Variants in NEK11 observed in about 807,000 individuals in gnomAD.
NEK11 encodes the protein serine/threonine-protein kinase Nek11.
NEK11 carries 72 observed loss-of-function variants against 80.7 expected under a neutral mutation model. That is an observed-to-expected ratio of 0.89 (90% CI 0.74 to 1.08). The LOEUF (loss-of-function observed/expected upper bound fraction) is 1.08. NEK11 is among the 50% of genes least tolerant of loss of function. The pLI, the probability that NEK11 is intolerant of heterozygous loss-of-function variation, is 0.00. For synonymous variants in NEK11, 251 were observed against 260.7 expected (o/e 0.96, Z 0.36); for missense variants, 764 against 763.6 (o/e 1.00, Z -0.01).
chr3:131,274,047 C>G (rs192927887), intron 17 of NEK11, among the ~76,000 whole-genome samples: 45 of 150,664 alleles, frequency 3.0e-4, no homozygotes, highest in Middle Eastern at 3.4e-3. Context: ...CATGCTGGTG[C>G]GCTGCACCCA....
chr3:131,245,301 T>TTGTGTGTGTGTGTGTGTGTGTGTG (rs4044352), intron 16 of NEK11, among the ~76,000 whole-genome samples: 156 of 140,786 alleles, frequency 1.1e-3, no homozygotes, highest in African/African-American at 4.3e-3. Flanking sequence ...TAGTATTCCA[T>TTGTGTGTGTGTGTGTGTGTGTGTG]TGTGTGTGTG....
At position 131,278,898 on chromosome 3, in the gene NEK11, G is replaced by A. The variant is rs142012440; in HGVS notation, c.1718+5324G>A. On this transcript the variant is annotated intron_variant, in intron 17 of 17. Transcript: ENST00000383366. ...ACCCGTGAGAAATGCAAACTCTCTG[G>A]CCCCCTCCCTCCTGAATCAGAATCT... is the stretch of plus-strand genomic sequence containing the variant. 5.2e-4 allele frequency among the ~76,000 whole-genome samples: 79 copies of A among 152,080 alleles called. 1 individual carries two copies. The highest frequency in any genetic ancestry group is 1.7e-3 in the African/African-American group (70 of 41,478).
chr3:131,274,904 C>T (rs1239657771), intron 17 of NEK11, among the ~76,000 whole-genome samples: 7 of 152,054 alleles, frequency 4.6e-5, no homozygotes, highest in African/African-American at 7.2e-5. Flanking sequence ...CCACCCGCCT[C>T]GGCCTCCCAA....
chr3:131,311,473 T>C (rs1301085911), intron 17 of NEK11, among the ~76,000 whole-genome samples: 2 of 152,108 alleles, frequency 1.3e-5, no homozygotes, highest in Admixed American at 6.5e-5. Flanking sequence ...CCTGTAGCTT[T>C]GGGCAAATTG....
At chr3:131,153,480 C>A (rs976811050) in intron 9 of NEK11, among the ~76,000 whole-genome samples, 1 of 151,968 alleles carries the variant, frequency 6.6e-6, no homozygotes, top group Non-Finnish European at 1.5e-5. Flanking sequence ...AGAAAATGGT[C>A]CCCTCTTTAG....
intron 14 of NEK11, among the ~76,000 whole-genome samples, chr3:131,193,208 G>A (rs1360443241): frequency 2.6e-5 from 4 of 151,744 alleles, no homozygotes; most frequent in Non-Finnish European, 5.9e-5. Flanking sequence ...CTTTTTTTTA[G>A]CGACTAGCCT....
chr3:131,223,231 G>A lies in NEK11; in HGVS notation c.1400-5297G>A, dbSNP rs947681301. Reference sequence around the variant, plus strand: ...GAGGCGTGACAAACACAGTTTGAACGGACTTACGTTTTTTTTGACTTTTCC... The same window carrying A: ...GAGGCGTGACAAACACAGTTTGAACAGACTTACGTTTTTTTTGACTTTTCC... On this transcript the variant is annotated intron_variant, in intron 14 of 17. Coordinates refer to ENST00000383366, the MANE Select transcript of NEK11 (RefSeq NM_024800.5). Among the ~76,000 whole-genome samples the A allele has an allele frequency of 2.6e-4, 39 of 152,274 alleles. 1 individual carries two copies. The Middle Eastern group carries it at 0.01, about 40-fold the overall frequency.
At chr3:131,117,159 G>A (rs1459566442) in intron 5 of NEK11, among the ~76,000 whole-genome samples, 1 of 152,210 alleles carries the variant, frequency 6.6e-6, no homozygotes, top group South Asian at 2.1e-4. Flanking sequence ...AATATAAGGT[G>A]TAAGGAAGGG....
chr3:131,032,344 C>T (rs1390082797), intron 3 of NEK11, among the ~76,000 whole-genome samples: 2 of 152,212 alleles, frequency 1.3e-5, no homozygotes, highest in African/African-American at 4.8e-5. Flanking sequence ...GGAACGTTTG[C>T]TAACATCAGT....
chr3:131,315,599 G>A (rs1469265215), intron 17 of NEK11, among the ~76,000 whole-genome samples: 2 of 151,162 alleles, frequency 1.3e-5, no homozygotes, highest in Non-Finnish European at 2.9e-5. Context: ...GGATGTGCAG[G>A]TTTGTTACAC....
chr3:131,317,838 G>A (rs367585057), intron 17 of NEK11, among the ~76,000 whole-genome samples: 26 of 148,808 alleles, frequency 1.7e-4, no homozygotes, highest in African/African-American at 6.4e-4. Context: ...GGGAGGGAAC[G>A]AGAGAAAGAA....
At chr3:131,328,125 G>GA (rs1425001715) in intron 17 of NEK11, among the ~76,000 whole-genome samples, 2 of 151,828 alleles carry the variant, frequency 1.3e-5, no homozygotes, top group Non-Finnish European at 2.9e-5. Flanking sequence ...TGTCTCTACA[G>GA]AATTTTTTTT....
intron 5 of NEK11, among the ~76,000 whole-genome samples, chr3:131,126,070 A>G (rs191002342): frequency 3.3e-5 from 5 of 152,324 alleles, no homozygotes; most frequent in African/African-American, 7.2e-5. Context: ...GGGTTCTCCT[A>G]TTTAAGCAGG....
At chr3:131,335,896 G>T (rs893027925) in intron 17 of NEK11, among the ~76,000 whole-genome samples, 5 of 151,864 alleles carry the variant, frequency 3.3e-5, no homozygotes, top group African/African-American at 4.8e-5. Flanking sequence ...AAATACCTAG[G>T]AATCCAACTT....
At chr3:131,224,394 A>C (rs2095126151) in intron 14 of NEK11, among the ~76,000 whole-genome samples, 1 of 151,754 alleles carries the variant, frequency 6.6e-6, no homozygotes, top group African/African-American at 2.4e-5. Context: ...CACCCAGCTA[A>C]TTTTTTGTAT....
At chr3:131,046,082 T>TTATTC in intron 3 of NEK11, among the ~76,000 whole-genome samples, 1 of 152,312 alleles carries the variant, frequency 6.6e-6, no homozygotes, top group South Asian at 2.1e-4. Flanking sequence ...GTCTTTTAAG[T>TTATTC]GGAGCATTTA....
intron 4 of NEK11, among the ~76,000 whole-genome samples, chr3:131,091,875 A>G (rs1443884144): frequency 1.3e-5 from 2 of 152,246 alleles, no homozygotes; most frequent in African/African-American, 4.8e-5. Context: ...AACCTGAGCA[A>G]TGAGCTTTTA....
intron 5 of NEK11, among the ~76,000 whole-genome samples, chr3:131,115,940 T>TTCTTTC (rs2081034968): frequency 8.2e-6 from 1 of 121,288 alleles, no homozygotes; most frequent in Non-Finnish European, 1.8e-5. Flanking sequence ...CTTTCTTTCT[T>TTCTTTC]TCTTTCTTTC....
intron 7 of NEK11, among the ~76,000 whole-genome samples, chr3:131,139,155 T>G (rs1387629818): frequency 2.6e-5 from 4 of 151,934 alleles, no homozygotes; most frequent in Non-Finnish European, 5.9e-5. Context: ...GGAATTCAGA[T>G]TTATATCAGA....
Sources: gnomAD v4.1 joint callset for allele counts (sites outside exome capture counted in the v4.1 genomes callset) on GRCh38, gnomAD v4.1.1 for gene constraint, MANE v1.5 for transcripts, NCBI Gene and HGNC (gene_info 2026-07-23, HGNC 2026-07-21) for gene names.